Variants in ME3 observed in about 807,000 individuals in gnomAD.
ME3 encodes NADP-dependent malic enzyme, mitochondrial.
A neutral mutation model predicts 68.9 loss-of-function variants in ME3; 48 were observed. That is an observed-to-expected ratio of 0.70 (90% confidence interval 0.55 to 0.89). ME3 has a LOEUF of 0.89. Ranked by LOEUF, ME3 falls within the 40% of genes least tolerant of loss-of-function variation. The pLI is 0.00. For synonymous variants in ME3, 320 were observed against 318.8 expected, an observed-to-expected ratio of 1.00 and a Z score of -0.04; for missense variants, 675 against 797.4, an observed-to-expected ratio of 0.85 and a Z score of 1.85.
chr11:86,655,832 T>A lies in ME3; in HGVS notation c.183+15930A>T, dbSNP rs1371045456. On this transcript the variant is annotated intron_variant, in intron 2 of 14. Coordinates refer to ENST00000543262, the Ensembl canonical transcript of ME3. Reference sequence around the variant, plus strand: ...AGGCAACCTACAAAATGGGAGAAAATTTTCGCAACCTACTCATCTGACAAA... The same window carrying A: ...AGGCAACCTACAAAATGGGAGAAAAATTTCGCAACCTACTCATCTGACAAA... 2.0e-5 allele frequency among the ~76,000 whole-genome samples: 3 copies of A among 151,598 alleles called. No homozygotes were observed. The East Asian group carries it at 5.8e-4, about 29-fold the overall frequency.
intron 2 of ME3, among the ~76,000 whole-genome samples, chr11:86,565,955 G>A (rs1190043379): frequency 5.3e-5 from 8 of 152,242 alleles, no homozygotes; most frequent in Non-Finnish European, 8.8e-5. Context: ...TGGGACACGT[G>A]CAGCCCCACC....
intron 7 of ME3, among the ~76,000 whole-genome samples, chr11:86,486,433 TAC>T (rs1245778608): frequency 6.6e-6 from 1 of 152,204 alleles, no homozygotes; most frequent in Non-Finnish European, 1.5e-5. Context: ...AAGGTCAAAT[TAC>T]AGTTTGCCCA....
intron 4 of ME3, among the ~76,000 whole-genome samples, chr11:86,541,761 G>C (rs1029932619): frequency 3.3e-5 from 5 of 152,224 alleles, no homozygotes; most frequent in African/African-American, 1.2e-4. Context: ...GGTCTGAAGA[G>C]AGCAGTGGAT....
chr11:86,485,081 C>T (rs902212911), intron 7 of ME3, among the ~76,000 whole-genome samples: 1 of 152,204 alleles, frequency 6.6e-6, no homozygotes, highest in Admixed American at 6.5e-5. Context: ...TTCCCACAGA[C>T]AGTCCAGTGC....
At chr11:86,600,862 C>T (rs1290735624) in intron 2 of ME3, among the ~76,000 whole-genome samples, 5 of 151,286 alleles carry the variant, frequency 3.3e-5, no homozygotes, top group Admixed American at 1.3e-4. Context: ...ACTGGGTACA[C>T]AACGAAATGA....
intron 2 of ME3, among the ~76,000 whole-genome samples, chr11:86,661,744 G>A (rs1376305862): frequency 3.3e-5 from 5 of 152,082 alleles, no homozygotes; most frequent in Admixed American, 6.5e-5. Context: ...TGCACCTCTC[G>A]TTACATCTAA....
chr11:86,669,426 T>G (rs1565304811), intron 2 of ME3, among the ~76,000 whole-genome samples: 1 of 152,178 alleles, frequency 6.6e-6, no homozygotes, highest in Non-Finnish European at 1.5e-5. Context: ...GAAAAGAGGT[T>G]TGATTGACTC....
intron 7 of ME3, among the ~76,000 whole-genome samples, chr11:86,484,437 AAAC>A (rs1951579961): frequency 6.6e-6 from 1 of 152,142 alleles, no homozygotes. Flanking sequence ...TAGAAAGTCA[AAAC>A]AACCAACCAT....
At chr11:86,565,397 A>G (rs1957433346) in intron 2 of ME3, among the ~76,000 whole-genome samples, 1 of 152,240 alleles carries the variant, frequency 6.6e-6, no homozygotes, top group Non-Finnish European at 1.5e-5. Context: ...AAAGGAATTG[A>G]AAGCAGGGAC....
At chr11:86,485,428 C>G (rs996132977) in intron 7 of ME3, among the ~76,000 whole-genome samples, 1 of 152,204 alleles carries the variant, frequency 6.6e-6, no homozygotes, top group Non-Finnish European at 1.5e-5. Flanking sequence ...CATTCACCTC[C>G]CTTGTCCTAG....
Position 86,529,023 on chromosome 11 carries a change from A to G in ME3, c.468-20156T>C, listed in dbSNP as rs572776794. 7.9e-5 allele frequency among the ~76,000 whole-genome samples: 12 copies of G among 152,332 alleles called. No homozygotes were observed. The South Asian group carries it at 2.1e-3, about 26-fold the overall frequency. On this transcript the variant is annotated intron_variant, in intron 4 of 14. Coordinates refer to ENST00000543262, the Ensembl canonical transcript of ME3. ...ACTAAGATCAGAGCTGAACTGAAGG[A>G]GAGAGAGACACAAAAAACCCCTCAA... is the stretch of plus-strand genomic sequence containing the variant.
At position 86,575,776 on chromosome 11, in the gene ME3, C is replaced by G. The variant is rs138043776; in HGVS notation, c.184-15953G>C. On this transcript the variant is annotated intron_variant, in intron 2 of 14. Transcript: ENST00000543262. ...GACAGGGCCATGACTTGGTCTTATTCATTTTTGCAACCGCAATACAATGCT... is the reference window on the plus strand; with the variant it reads ...GACAGGGCCATGACTTGGTCTTATTGATTTTTGCAACCGCAATACAATGCT... 8.6e-4 allele frequency among the ~76,000 whole-genome samples: 131 copies of G among 152,326 alleles called. 3 individuals carry two copies. The East Asian group carries it at 0.023, about 27-fold the overall frequency.
chr11:86,578,097 C>G (rs1183142594), intron 2 of ME3, among the ~76,000 whole-genome samples: 3 of 152,184 alleles, frequency 2.0e-5, no homozygotes, highest in Non-Finnish European at 4.4e-5. Context: ...CCCGACCGAA[C>G]AAGGGAACAG....
chr11:86,627,698 C>T (rs188635430), intron 2 of ME3, among the ~76,000 whole-genome samples: 8 of 152,252 alleles, frequency 5.3e-5, no homozygotes, highest in South Asian at 2.1e-4. Context: ...AAATCATAAC[C>T]CTCAGGACCC....
chr11:86,509,403 C>T (rs1421003954), intron 4 of ME3, among the ~76,000 whole-genome samples: 1 of 15,288 alleles, frequency 6.5e-5, no homozygotes, highest in Non-Finnish European at 2.1e-4. Flanking sequence ...CATCATCACA[C>T]ACACACACAC....
chr11:86,484,313 A>T (rs555417020), intron 7 of ME3, among the ~76,000 whole-genome samples: 3 of 141,408 alleles, frequency 2.1e-5, no homozygotes, highest in African/African-American at 7.4e-5. Context: ...GGAACTCCTG[A>T]CTCACCCCCA....
At chr11:86,631,754 T>G (rs904216987) in intron 2 of ME3, among the ~76,000 whole-genome samples, 1 of 152,186 alleles carries the variant, frequency 6.6e-6, no homozygotes, top group African/African-American at 2.4e-5. Flanking sequence ...TATTTTGAGA[T>G]AGAGTTTTAT....
rs1955382872 is a variant in ME3 at position 86,533,110 on chromosome 11, AAG to A, written c.467+23441_467+23442del. On this transcript the variant is annotated intron_variant, in intron 4 of 14. Transcript: ENST00000543262. ...ATCTTATACCTCAAGGAACTAGAAAAAGAAAAAACTGAGCCCAAAGTTAGCAT... is the reference window on the plus strand; with the variant it reads ...ATCTTATACCTCAAGGAACTAGAAAAAAAAAACTGAGCCCAAAGTTAGCAT... Among the ~76,000 whole-genome samples the A allele has an allele frequency of 3.9e-5, 6 of 152,274 alleles. 1 individual carries two copies. The South Asian group carries it at 1.2e-3, about 32-fold the overall frequency.
chr11:86,518,693 G>A (rs565483409), intron 4 of ME3, among the ~76,000 whole-genome samples: 1 of 152,192 alleles, frequency 6.6e-6, no homozygotes. Flanking sequence ...TAATGGGGTG[G>A]TGGAGGTGAT....
Sources: allele counts gnomAD v4.1 joint callset (sites outside exome capture counted in the v4.1 genomes callset), GRCh38; gene constraint gnomAD v4.1.1; transcripts MANE v1.5; gene names NCBI Gene and HGNC (gene_info 2026-07-23, HGNC 2026-07-21).